The following TSG101 variants were observed in gnomAD, a reference collection of about 807,000 sequenced individuals.
TSG101 encodes tumor susceptibility gene 101 protein.
Under a neutral mutation model 48.5 loss-of-function variants are expected in TSG101, and 19 were observed. That is an observed-to-expected ratio of 0.39 (90% CI 0.27 to 0.58). The LOEUF (loss-of-function observed/expected upper bound fraction) is 0.58. Ranked by LOEUF, TSG101 falls within the 20% of genes least tolerant of loss-of-function variation. The pLI, the probability that TSG101 is intolerant of heterozygous loss-of-function variation, is 0.55. For missense variants in TSG101, 365 were observed against 484.4 expected (o/e 0.75, Z 2.31); for synonymous variants, 174 against 169.4 (o/e 1.03, Z -0.21).
In TSG101 at chr11:18,480,338, C is replaced by A; in HGVS notation, c.*208G>T. 1.3e-5 allele frequency: 5 copies of A among 380,080 alleles called. No homozygotes were observed. The highest frequency in any genetic ancestry group is 4.1e-5 in the East Asian group (1 of 24,578). The allele number at this position is 380,080 out of a possible 1,614,324, so 23.5% of individuals were successfully genotyped here. Reference sequence around the variant, plus strand: ...ATGCAACAAATTTTATTTAGCAGTCCCAACATTCAGCACAAAAAGTTTACA... The same window carrying A: ...ATGCAACAAATTTTATTTAGCAGTCACAACATTCAGCACAAAAAGTTTACA... On this transcript the variant is annotated 3_prime_UTR_variant, in exon 10 of 10. Transcript: ENST00000251968.
intron 5 of TSG101, among the ~76,000 whole-genome samples, chr11:18,509,099 T>G (rs984973811): frequency 2.0e-5 from 3 of 152,212 alleles, no homozygotes; most frequent in African/African-American, 7.2e-5. Context: ...AAGAGCTAGA[T>G]GTCCAATTGT....
At chr11:18,510,402 CAG>C (rs1850058386) in intron 4 of TSG101, among the ~76,000 whole-genome samples, 1 of 152,088 alleles carries the variant, frequency 6.6e-6, no homozygotes, top group Non-Finnish European at 1.5e-5. Flanking sequence ...TCCTAGGCGA[CAG>C]AGCAAGACTC....
At chr11:18,520,106 C>A (rs374696854) in intron 1 of TSG101, among the ~76,000 whole-genome samples, 1 of 152,188 alleles carries the variant, frequency 6.6e-6, no homozygotes, top group African/African-American at 2.4e-5. Context: ...TAGACAACCA[C>A]GAATTTACTT....
Position 18,509,542 on chromosome 11 carries a change from T to C in TSG101, c.481A>G (p.Thr161Ala), listed in dbSNP as rs1242825369. 2.5e-6 allele frequency: 4 copies of C among 1,612,822 alleles called. No individual in the cohort carries two copies. The South Asian group carries it at 3.3e-5, about 13-fold the overall frequency. ...PPYQATGPPN[T>A]SYMPGMPGGI... is the part of the protein sequence containing the mutation. ...AAAGTAAAATCTCAATTCTACTTAC[T>C]ATTTGGTGGCCCCGTTGCCTGGTAT... The change falls in exon 5 of 10, where the codon ACT becomes GCT. Residue 161 changes from threonine to alanine, a missense_variant and splice_region_variant. Physicochemically the swap from Thr to Ala is moderately conservative, Grantham distance 58. Transcript: ENST00000251968.
At chr11:18,513,811 A>T (rs2133928047) in intron 4 of TSG101, among the ~76,000 whole-genome samples, 1 of 152,288 alleles carries the variant, frequency 6.6e-6, no homozygotes, top group Admixed American at 6.5e-5. Flanking sequence ...ATGGTGGCTT[A>T]TGCCTGTAAT....
At chr11:18,494,428 A>G (rs1353914108) in intron 7 of TSG101, among the ~76,000 whole-genome samples, 1 of 152,248 alleles carries the variant, frequency 6.6e-6, no homozygotes, top group African/African-American at 2.4e-5. Flanking sequence ...CAAATGAATC[A>G]GCTTCTCCTA....
At position 18,500,034 on chromosome 11, in the gene TSG101, T is replaced by C. The variant is rs560611894; in HGVS notation, c.640+2452A>G. Among the ~76,000 whole-genome samples, 12 of 152,340 alleles carry C rather than the reference T, an allele frequency of 7.9e-5. No individual in the cohort carries two copies. The South Asian group carries it at 1.0e-3, about 13-fold the overall frequency. ...ACACACCGTTCTTAAGTCTCTGGTG[T>C]CTATCATTCTACTGTCTACCTCCAA... On this transcript the variant is annotated intron_variant, in intron 7 of 9. Transcript: ENST00000251968.
In TSG101 at chr11:18,482,876, A is replaced by C. The variant is rs1209708877; in HGVS notation, c.843+994T>G. Among the ~76,000 whole-genome samples the C allele has an allele frequency of 2.0e-5, 3 of 152,300 alleles. No homozygotes were observed. The East Asian group carries it at 5.8e-4, about 29-fold the overall frequency. On this transcript the variant is annotated intron_variant, in intron 8 of 9. Transcript: ENST00000251968. Reference sequence around the variant, plus strand: ...GAACTCTCTAAACTTATTTCCTAGTAACTGGCAACATCAAGCACTCAAACA... The same window carrying C: ...GAACTCTCTAAACTTATTTCCTAGTCACTGGCAACATCAAGCACTCAAACA...
At chr11:18,523,062 T>C (rs1422492118) in intron 1 of TSG101, among the ~76,000 whole-genome samples, 1 of 152,108 alleles carries the variant, frequency 6.6e-6, no homozygotes, top group Admixed American at 6.6e-5. Context: ...AATTTTTTTA[T>C]ATTTTTAGTA....
chr11:18,497,613 A>G (rs1849804039), intron 7 of TSG101, among the ~76,000 whole-genome samples: 1 of 152,212 alleles, frequency 6.6e-6, no homozygotes, highest in South Asian at 2.1e-4. Context: ...TTTGTAAACT[A>G]AGGTTCTCTA....
At chr11:18,523,409 T>C (rs1365215883) in intron 1 of TSG101, among the ~76,000 whole-genome samples, 1 of 152,246 alleles carries the variant, frequency 6.6e-6, no homozygotes, top group Non-Finnish European at 1.5e-5. Flanking sequence ...GAATTTAAAT[T>C]CCAGAAGCAC....
chr11:18,512,723 A>ATTTTTTTTT (rs776263228), intron 4 of TSG101, among the ~76,000 whole-genome samples: 2 of 120,372 alleles, frequency 1.7e-5, no homozygotes, highest in Admixed American at 9.2e-5. Context: ...GGACAGACAG[A>ATTTTTTTTT]TTTTTTTTTT....
intron 8 of TSG101, among the ~76,000 whole-genome samples, chr11:18,483,491 CA>C (rs35471524): frequency 0.46 from 49,178 of 107,256 alleles, 10,198 homozygotes; most frequent in Non-Finnish European, 0.5. Context: ...GTGAAACTCT[CA>C]AAAAAAAAAA....
chr11:18,481,936 A>C, intron 8 of TSG101, 67 bp from the exon 9 acceptor site: 13 of 1,569,556 alleles, frequency 8.3e-6, no homozygotes, highest in Non-Finnish European at 1.0e-5. Context: ...CACCTACAAC[A>C]CTTCACAGGA....
In TSG101 at chr11:18,502,580, A is replaced by G. The variant is rs1849906541; in HGVS notation, c.549-3T>C. On this transcript the variant is annotated splice_polypyrimidine_tract_variant and splice_region_variant and intron_variant, in intron 6 of 9. Transcript: ENST00000251968. ...GGTAAGGACAGCCTGGGTAACCACT[A>G]AAGACAAGAACAAAAAACATTTAAC... 1 of 1,608,554 alleles carries G rather than the reference A, an allele frequency of 6.2e-7. No homozygotes were observed. Among genetic ancestry groups the G allele is most frequent in the Non-Finnish European group, 8.5e-7 (1 of 1,176,576 alleles).
chr11:18,526,635 G>T (rs550346566), intron 1 of TSG101, 140 bp downstream of exon 1: 47 of 995,000 alleles, frequency 4.7e-5, no homozygotes, highest in South Asian at 2.5e-4. Context: ...TCGGGGCGGG[G>T]TTCTGAGGAG....
intron 4 of TSG101, chr11:18,511,530 GGT>G (rs1340123824): frequency 6.6e-6 from 1 of 152,164 alleles, no homozygotes; most frequent in African/African-American, 2.4e-5. Flanking sequence ...TACTGTGGCT[GGT>G]GTGTGTGGGG....
intron 3 of TSG101, among the ~76,000 whole-genome samples, chr11:18,515,602 G>A (rs538692527): frequency 2.6e-5 from 4 of 152,256 alleles, no homozygotes; most frequent in South Asian, 4.1e-4. Context: ...TCTGTGCCAC[G>A]TCCTTTACAT....
chr11:18,512,433 T>C (rs907572390), intron 4 of TSG101, among the ~76,000 whole-genome samples: 4 of 152,180 alleles, frequency 2.6e-5, no homozygotes, highest in Non-Finnish European at 4.4e-5. Flanking sequence ...ATTTACCATC[T>C]TGTCCTCTAT....
Sources: gnomAD v4.1 joint callset for allele counts (sites outside exome capture counted in the v4.1 genomes callset) on GRCh38, gnomAD v4.1.1 for gene constraint, MANE v1.5 for transcripts, NCBI Gene and HGNC (gene_info 2026-07-23, HGNC 2026-07-21) for gene names.